The following TNFRSF1B variants were observed in gnomAD, a reference collection of about 807,000 sequenced individuals.
The protein encoded by TNFRSF1B is tumor necrosis factor receptor superfamily member 1B.
In TNFRSF1B, 19 loss-of-function variants were observed where a neutral mutation model predicts 44.6. That is an observed-to-expected ratio of 0.43 (90% CI 0.30 to 0.62). The LOEUF is 0.62. TNFRSF1B is among the 20% of genes least tolerant of loss of function. The pLI is 0.16. For missense variants in TNFRSF1B, 541 were observed against 619.9 expected (o/e 0.87, Z 1.35); for synonymous variants, 252 against 261.1 (o/e 0.97, Z 0.34).
Position 12,171,481 on chromosome 1 carries a change from A to G in TNFRSF1B, c.78+4312A>G, listed in dbSNP as rs1638522618. Among the ~76,000 whole-genome samples the G allele has an allele frequency of 1.3e-5, 2 of 152,156 alleles. No individual in the cohort carries two copies. Among genetic ancestry groups the G allele is most frequent in the Non-Finnish European group, 2.9e-5 (2 of 68,034 alleles). ...TGCTGAAGTAGACAATCCTGCCTGTAGGTGCTCCCTGCCAGGCACTCTCAC... is the reference window on the plus strand; with the variant it reads ...TGCTGAAGTAGACAATCCTGCCTGTGGGTGCTCCCTGCCAGGCACTCTCAC... On this transcript the variant is annotated intron_variant, in intron 1 of 9. Transcript: ENST00000376259. This position sits in a 1 kb window ranked among gnomAD's most constrained non-coding sequence, Gnocchi z 4.5.
rs200254914 is a variant in TNFRSF1B, at chr1:12,192,876, G to A, written c.565G>A (p.Ala189Thr). 4 of 1,613,534 alleles carry A rather than the reference G, an allele frequency of 2.5e-6. No individual in the cohort carries two copies. The East Asian group carries it at 8.9e-5, about 36-fold the overall frequency. ...CTCCTCCTCCAGCTGTAACGTGGTGGCCATCCCTGGGAATGCAAGCATGGA... is the reference window on the plus strand; with the variant it reads ...CTCCTCCTCCAGCTGTAACGTGGTGACCATCCCTGGGAATGCAAGCATGGA... ...CRPHQICNVV[A>T]IPGNASMDAV... Residue 189 changes from alanine to threonine, a missense_variant, in exon 6 of 10, where the codon GCC (alanine) becomes ACC (threonine). By Grantham distance (58) the Ala-to-Thr change is moderately conservative (BLOSUM62 0). Coordinates refer to ENST00000376259, the MANE Select transcript of TNFRSF1B (RefSeq NM_001066.3).
chr1:12,185,353 C>T (rs1314601431), intron 1 of TNFRSF1B, among the ~76,000 whole-genome samples: 1 of 152,164 alleles, frequency 6.6e-6, no homozygotes, highest in African/African-American at 2.4e-5. Flanking sequence ...CCTGGGCCCA[C>T]CCCTGAGATT....
Position 12,180,459 on chromosome 1 carries a change from C to T in TNFRSF1B, c.79-8337C>T, listed in dbSNP as rs1638766462. Among the ~76,000 whole-genome samples the T allele has an allele frequency of 6.6e-6, 1 of 152,212 alleles. No homozygotes were observed. The highest frequency in any genetic ancestry group is 2.4e-5 in the African/African-American group (1 of 41,450). On this transcript the variant is annotated intron_variant, in intron 1 of 9. Coordinates refer to ENST00000376259, the MANE Select transcript of TNFRSF1B (RefSeq NM_001066.3). This position sits in a 1 kb window ranked among gnomAD's most constrained non-coding sequence, Gnocchi z 4.3. Reference sequence around the variant, plus strand: ...GCATTGAGGGCCCCCACCTCGGGTACTTGCAGGGCCTTGGCCTGGGAACAG... The same window carrying T: ...GCATTGAGGGCCCCCACCTCGGGTATTTGCAGGGCCTTGGCCTGGGAACAG...
chr1:12,175,114 G>T (rs5745967), intron 1 of TNFRSF1B, among the ~76,000 whole-genome samples: 25 of 152,312 alleles, frequency 1.6e-4, no homozygotes, highest in African/African-American at 4.1e-4. Context: ...GGACAGGGAG[G>T]GGGGAGGACA....
chr1:12,192,320 T>A, intron 4 of TNFRSF1B, 111 bp from the exon 5 acceptor site: 1 of 823,576 alleles, frequency 1.2e-6, no homozygotes, highest in South Asian at 1.4e-5. Context: ...GGGGTGGAGG[T>A]GCAGACAGAG....
Position 12,206,746 on chromosome 1 carries a change from C to T in TNFRSF1B, c.1112C>T (p.Ser371Phe), listed in dbSNP as rs866383062. The change falls in exon 10 of 10, where the codon TCC (serine) becomes TTC (phenylalanine). Residue 371 changes from serine (S) to phenylalanine (F), a missense_variant. By Grantham distance (155) the Ser-to-Phe change is radical (BLOSUM62 -2). Transcript: ENST00000376259. ...CCCATCTTGTGCTTAGCAGATTCTTCCCCTGGTGGCCATGGGACCCAGGTC... is the reference window on the plus strand; with the variant it reads ...CCCATCTTGTGCTTAGCAGATTCTTTCCCTGGTGGCCATGGGACCCAGGTC... ...ARASTGSSDS[S>F]PGGHGTQVNV... The T allele has an allele frequency of 1.9e-6, 3 of 1,585,190 alleles. No individual in the cohort carries two copies. The highest frequency in any genetic ancestry group is 2.3e-5 in the East Asian group (1 of 44,166).
Position 12,180,275 on chromosome 1 carries a change from G to GA in TNFRSF1B, c.79-8515dup, listed in dbSNP as rs769959048. The stretch of plus-strand genomic sequence containing the variant: ...CAAGACCCGGTCTCTTTCTATAAAT[G>GA]AAAAAATAATAATAAAGCCATGAAG... On this transcript the variant is annotated intron_variant, in intron 1 of 9. Transcript: ENST00000376259. This position sits in a 1 kb window ranked among gnomAD's most constrained non-coding sequence, Gnocchi z 4.3. 9.9e-5 allele frequency among the ~76,000 whole-genome samples: 15 copies of GA among 152,070 alleles called. No homozygotes were observed. The highest frequency in any genetic ancestry group is 2.1e-4 in the Non-Finnish European group (14 of 68,012).
chr1:12,172,264 T>G (rs566106696), intron 1 of TNFRSF1B, among the ~76,000 whole-genome samples: 66 of 152,322 alleles, frequency 4.3e-4, no homozygotes, highest in African/African-American at 1.5e-3. Context: ...CTGATGACTC[T>G]GGGGAAAGGC....
intron 1 of TNFRSF1B, among the ~76,000 whole-genome samples, chr1:12,184,736 C>T (rs916491827): frequency 6.6e-6 from 1 of 152,234 alleles, no homozygotes; most frequent in Non-Finnish European, 1.5e-5. Context: ...AACCCTTCCC[C>T]AGCCAGGGTG....
Position 12,180,642 on chromosome 1 carries a change from G to A in TNFRSF1B, c.79-8154G>A, listed in dbSNP as rs1422050927. On this transcript the variant is annotated intron_variant, in intron 1 of 9. Transcript: ENST00000376259. The surrounding 1 kb of genome is among the most constrained non-coding windows in gnomAD (Gnocchi z 4.3). ...GAGCGAATCTTATACCTGCAGCCCT[G>A]TCCACCAGCTGTGCTTCCTGAGTCC... is the stretch of plus-strand genomic sequence containing the variant. Among the ~76,000 whole-genome samples, 2 of 152,222 alleles carry A rather than the reference G, an allele frequency of 1.3e-5. No homozygotes were observed. Among genetic ancestry groups the A allele is most frequent in the Non-Finnish European group, 2.9e-5 (2 of 68,024 alleles).
Position 12,187,478 on chromosome 1 carries a change from T to A in TNFRSF1B, c.79-1318T>A, listed in dbSNP as rs1639014190. ...CTCTCTCTCTTTTCATTCATCACAT[T>A]GTTCATCTCTTCCCGGAGGCATCCA... is the stretch of plus-strand genomic sequence containing the variant. On this transcript the variant is annotated intron_variant, in intron 1 of 9. Coordinates refer to ENST00000376259, the MANE Select transcript of TNFRSF1B (RefSeq NM_001066.3). The surrounding 1 kb of genome is among the most constrained non-coding windows in gnomAD (Gnocchi z 5.5). Among the ~76,000 whole-genome samples, 1 of 152,122 alleles carries A rather than the reference T, an allele frequency of 6.6e-6. No individual in the cohort carries two copies. Among genetic ancestry groups the A allele is most frequent in the African/African-American group, 2.4e-5 (1 of 41,428 alleles).
At chr1:12,188,655 G>C (rs941581673) in intron 1 of TNFRSF1B, 141 bp from the exon 2 acceptor site, 39 of 734,680 alleles carry the variant, frequency 5.3e-5, no homozygotes, top group Middle Eastern at 2.5e-4. Context: ...CCCTGCTCCA[G>C]GGGGAGAAAC....
At position 12,186,734 on chromosome 1, in the gene TNFRSF1B, G is replaced by A. The variant is rs1420676033; in HGVS notation, c.79-2062G>A. Among the ~76,000 whole-genome samples the A allele has an allele frequency of 1.3e-5, 2 of 152,216 alleles. No homozygotes were observed. The highest frequency in any genetic ancestry group is 2.1e-4 in the South Asian group (1 of 4,832). ...CAGCTGGCAGTACAGTGGGGAGTGC[G>A]CCAGCCCTGGCTCTGACCTCCTAGA... On this transcript the variant is annotated intron_variant, in intron 1 of 9. Transcript: ENST00000376259. The surrounding 1 kb of genome is among the most constrained non-coding windows in gnomAD (Gnocchi z 4.8).
chr1:12,202,183 G>A lies in TNFRSF1B; in HGVS notation c.1105+12G>A, dbSNP rs922014493. The A allele has an allele frequency of 2.6e-6, 4 of 1,541,136 alleles. No individual in the cohort carries two copies. The highest frequency in any genetic ancestry group is 3.9e-5 in the Admixed American group (2 of 50,974). ...CACCGGGAGCTCAGGTAAGAGGTGG[G>A]AGCACACCTGGCTTCTTCCCAAGCC... is the stretch of plus-strand genomic sequence containing the variant. On this transcript the variant is annotated intron_variant, in intron 9 of 9. Coordinates refer to ENST00000376259, the MANE Select transcript of TNFRSF1B (RefSeq NM_001066.3).
At position 12,208,747 on chromosome 1, in the gene TNFRSF1B, G is replaced by T. The variant is rs1639568005; in HGVS notation, c.*1727G>T. On this transcript the variant is annotated 3_prime_UTR_variant, in exon 10 of 10. Coordinates refer to ENST00000376259, the MANE Select transcript of TNFRSF1B (RefSeq NM_001066.3). ...TGGCAGCTGAACTATTGGAGGGTGG[G>T]AGAGCCCAGCCATTACCATGGAGAC... 6.6e-6 allele frequency: 1 copy of T among 152,232 alleles called. No homozygotes were observed. Among genetic ancestry groups the T allele is most frequent in the Non-Finnish European group, 1.5e-5 (1 of 68,070 alleles). 9.4% of individuals were successfully genotyped at this position (152,232 alleles called of 1,614,324 possible).
At chr1:12,198,141 A>AT (rs1557638453) in intron 8 of TNFRSF1B, among the ~76,000 whole-genome samples, 1 of 138,402 alleles carries the variant, frequency 7.2e-6, no homozygotes, top group Non-Finnish European at 1.6e-5. Flanking sequence ...AAAAAAAAAA[A>AT]CCAATATGTG....
chr1:12,182,300 G>A (rs771483891), intron 1 of TNFRSF1B, among the ~76,000 whole-genome samples: 26 of 152,220 alleles, frequency 1.7e-4, no homozygotes, highest in Admixed American at 8.5e-4. Context: ...TGCTGCTTTC[G>A]TTCTCACCCT....
intron 1 of TNFRSF1B, among the ~76,000 whole-genome samples, chr1:12,181,640 G>C (rs944412783): frequency 6.6e-6 from 1 of 152,178 alleles, no homozygotes; most frequent in Non-Finnish European, 1.5e-5. Context: ...CCGGTGTCCA[G>C]CACACCTGGG....
At chr1:12,173,742 C>G (rs17881100) in intron 1 of TNFRSF1B, among the ~76,000 whole-genome samples, 4 of 152,192 alleles carry the variant, frequency 2.6e-5, no homozygotes, top group Non-Finnish European at 2.9e-5. Context: ...AGTCCTGCCC[C>G]CTTCCAGGCC....
Sources: allele counts gnomAD v4.1 joint callset (sites outside exome capture counted in the v4.1 genomes callset), GRCh38; gene constraint gnomAD v4.1.1; non-coding constraint Gnocchi (gnomAD v3.1); transcripts MANE v1.5; gene names NCBI Gene and HGNC (gene_info 2026-07-23, HGNC 2026-07-21).